EXOC7: variants seen among roughly 807,000 people sequenced by gnomAD.
EXOC7 encodes the protein exocyst complex component 7.
Under a neutral mutation model 87.6 loss-of-function variants are expected in EXOC7, and 51 were observed. The observed-to-expected ratio is 0.58, with a 90% CI of 0.46 to 0.73. The LOEUF (loss-of-function observed/expected upper bound fraction) is 0.73, where lower values mean the gene tolerates loss of function less well. Ranked by LOEUF, EXOC7 falls within the 30% of genes least tolerant of loss-of-function variation. The pLI is 0.00. For synonymous variants in EXOC7, 327 were observed against 357.1 expected, an observed-to-expected ratio of 0.92 and a Z score of 0.95; for missense variants, 744 against 888.4, an observed-to-expected ratio of 0.84 and a Z score of 2.07.
At chr17:76,098,940 G>T (rs1005989293) in intron 4 of EXOC7, among the ~76,000 whole-genome samples, 2 of 151,820 alleles carry the variant, frequency 1.3e-5, no homozygotes, top group African/African-American at 2.4e-5. Context: ...TTAGTGGGGG[G>T]TTTGCAAAAG....
chr17:76,100,006 G>A (rs1014970459), intron 4 of EXOC7, among the ~76,000 whole-genome samples: 4 of 152,160 alleles, frequency 2.6e-5, no homozygotes, highest in Non-Finnish European at 5.9e-5. Flanking sequence ...GAAGGCTGAG[G>A]TGGGAAGACT....
At position 76,082,718 on chromosome 17, in the gene EXOC7, A is replaced by G; in HGVS notation, c.*930T>C. 2 of 1,486,708 alleles carry G rather than the reference A, an allele frequency of 1.3e-6. No individual in the cohort carries two copies. Among genetic ancestry groups the G allele is most frequent in the South Asian group, 2.7e-5 (2 of 73,668 alleles). The allele number at this position is 1,486,708 out of a possible 1,614,324, so 92.1% of individuals were successfully genotyped here. A position where few individuals can be genotyped will look rare whatever the true frequency, so the allele number is the denominator to read the frequency against. On this transcript the variant is annotated 3_prime_UTR_variant, in exon 19 of 19. Coordinates refer to ENST00000589210, the MANE Select transcript of EXOC7 (RefSeq NM_001013839.4). ...GCTTTCCCATGGCTGGGGGCGGGCC[A>G]TGACAGGGCCTCTGGATTAAGCCAC...
At position 76,099,429 on chromosome 17, in the gene EXOC7, C is replaced by T. The variant is rs182323508; in HGVS notation, c.418-1411G>A. On this transcript the variant is annotated intron_variant, in intron 4 of 18. Coordinates refer to ENST00000589210, the MANE Select transcript of EXOC7 (RefSeq NM_001013839.4). ...GGCTGGGACAGGAGAATCGCTTGAACCCAGGAGGTGGAGGTTGCAGTGAGC... is the reference window on the plus strand; with the variant it reads ...GGCTGGGACAGGAGAATCGCTTGAATCCAGGAGGTGGAGGTTGCAGTGAGC... 1.6e-4 allele frequency among the ~76,000 whole-genome samples: 25 copies of T among 152,238 alleles called. No homozygotes were observed. In the East Asian group the frequency reaches 4.8e-3, roughly 29 times the overall value.
intron 12 of EXOC7, chr17:76,087,007 A>G: frequency 1.2e-6 from 1 of 839,614 alleles, no homozygotes. Flanking sequence ...AATTAAGCAG[A>G]CCTCTCCCCA....
intron 7 of EXOC7, chr17:76,089,618 G>C (rs2067383896): frequency 4.3e-6 from 2 of 460,952 alleles, no homozygotes; most frequent in African/African-American, 3.9e-5. Flanking sequence ...GAAGATTCCT[G>C]AATCAGCGTC....
At chr17:76,103,462 C>G (rs1567995992) in intron 1 of EXOC7, 36 bp from the exon 2 acceptor site, 1 of 1,575,728 alleles carries the variant, frequency 6.3e-7, no homozygotes, top group Admixed American at 1.8e-5. Context: ...CACCAGAAAC[C>G]AGAAGCTAAA....
chr17:76,103,219 C>T, intron 2 of EXOC7, 142 bp downstream of exon 2: 1 of 726,384 alleles, frequency 1.4e-6, no homozygotes, highest in East Asian at 2.7e-5. Context: ...AGATGCCAAA[C>T]TGTTGCTAGA....
Position 76,083,769 on chromosome 17 carries a change from C to G in EXOC7, c.1953-19G>C, listed in dbSNP as rs377324605. 2 of 1,609,722 alleles carry G rather than the reference C, an allele frequency of 1.2e-6. No individual in the cohort carries two copies. The highest frequency in any genetic ancestry group is 1.7e-6 in the Non-Finnish European group (2 of 1,177,634). On this transcript the variant is annotated intron_variant, in intron 18 of 18. Coordinates refer to ENST00000589210, the MANE Select transcript of EXOC7 (RefSeq NM_001013839.4). The stretch of plus-strand genomic sequence containing the variant: ...GCCAAACCTGAGGAGGCACTGTGGT[C>G]AGGGGACAGGGAGGGCCGACCCCTC...
At chr17:76,091,275 A>C in intron 6 of EXOC7, 40 bp from the exon 7 acceptor site, 1 of 1,578,056 alleles carries the variant, frequency 6.3e-7, no homozygotes, top group South Asian at 1.1e-5. Flanking sequence ...AAGAAGACCT[A>C]GGAAATGAGT....
chr17:76,090,458 C>G (rs762479683), intron 7 of EXOC7: 14 of 1,551,668 alleles, frequency 9.0e-6, no homozygotes, highest in Non-Finnish European at 1.1e-5. Flanking sequence ...GGCAGGCCGC[C>G]CCTTGGGGTA....
chr17:76,090,573 G>T, intron 7 of EXOC7: 1 of 1,270,608 alleles, frequency 7.9e-7, no homozygotes, highest in East Asian at 2.5e-5. Flanking sequence ...GCCACCTTGG[G>T]AACAGCCGTT....
At position 76,103,301 on chromosome 17, in the gene EXOC7, G is replaced by A. The variant is rs1292532530; in HGVS notation, c.126+60C>T. On this transcript the variant is annotated intron_variant, in intron 2 of 18. Coordinates refer to ENST00000589210, the MANE Select transcript of EXOC7 (RefSeq NM_001013839.4). ...CCGCAGGAACCGGAACCGCCAGGTCGCAAGGCTCTCCCCCAGGGTCCGGAG... is the reference window on the plus strand; with the variant it reads ...CCGCAGGAACCGGAACCGCCAGGTCACAAGGCTCTCCCCCAGGGTCCGGAG... 17 of 1,499,814 alleles carry A rather than the reference G, an allele frequency of 1.1e-5. No individual in the cohort carries two copies. In the East Asian group the frequency reaches 3.4e-4, roughly 30 times the overall value. 92.9% of individuals were successfully genotyped at this position (1,499,814 alleles called of 1,614,324 possible). A position where few individuals can be genotyped will look rare whatever the true frequency, so the allele number is the denominator to read the frequency against.
rs1286061428 is a variant in EXOC7, at chr17:76,085,691, G to C, written c.1602C>G (p.Leu534=). The change falls in exon 14 of 19, where the codon CTC becomes CTG. Residue 534 remains leucine, a synonymous_variant. Transcript: ENST00000589210. ...AGGCCACTTACTTCTCCAGGGACTT[G>C]AGGATGTAATTGTAGTTGTTGTGCA... The part of the protein sequence containing the change: ...IFLHNNYNYI[L]KSLEKSELIQ... 3 of 1,614,140 alleles carry C rather than the reference G, an allele frequency of 1.9e-6. No individual in the cohort carries two copies. Among genetic ancestry groups the C allele is most frequent in the East Asian group, 2.2e-5 (1 of 44,886 alleles).
At position 76,094,717 on chromosome 17, in the gene EXOC7, T is replaced by C. The variant is rs2067664493; in HGVS notation, c.641-136A>G. 8 of 831,208 alleles carry C rather than the reference T, an allele frequency of 9.6e-6. No homozygotes were observed. In the South Asian group the frequency reaches 1.5e-4, roughly 16 times the overall value. The allele number at this position is 831,208 out of a possible 1,614,324, so 51.5% of individuals were successfully genotyped here. On this transcript the variant is annotated intron_variant, in intron 5 of 18. Transcript: ENST00000589210. ...GCTCTGGTCACAAGCCACCCATATC[T>C]TGTCCCAAATCAGGCAAAGTCTTTC... is the stretch of plus-strand genomic sequence containing the variant.
Position 76,084,000 on chromosome 17 carries a change from C to A in EXOC7, c.1952+6G>T. The A allele has an allele frequency of 6.4e-7, 1 of 1,559,712 alleles. No individual in the cohort carries two copies. The highest frequency in any genetic ancestry group is 8.6e-7 in the Non-Finnish European group (1 of 1,157,128). Reference sequence around the variant, plus strand: ...GCACAGGCTGGGAGGGGAATGGAGGCCTCACTTCTGTAGAAAGGCCCCGTA... The same window carrying A: ...GCACAGGCTGGGAGGGGAATGGAGGACTCACTTCTGTAGAAAGGCCCCGTA... On this transcript the variant is annotated splice_donor_region_variant and intron_variant, in intron 18 of 18. Coordinates refer to ENST00000589210, the MANE Select transcript of EXOC7 (RefSeq NM_001013839.4).
chr17:76,097,510 C>T (rs1199325217), intron 5 of EXOC7, among the ~76,000 whole-genome samples: 1 of 151,714 alleles, frequency 6.6e-6, no homozygotes, highest in Non-Finnish European at 1.5e-5. Flanking sequence ...TCAAGACCAG[C>T]CTGGCCAACA....
In EXOC7 at chr17:76,090,403, G is replaced by A. The variant is rs969913815; in HGVS notation, c.901+740C>T. ...TCGGAAATCATGCTCGTGACCTGGC[G>A]AGATGTCGGCCGCACAAACACAAGC... On this transcript the variant is annotated intron_variant, in intron 7 of 18. Transcript: ENST00000589210. 8 of 1,551,606 alleles carry A rather than the reference G, an allele frequency of 5.2e-6. No homozygotes were observed. In the Admixed American group the frequency reaches 7.8e-5, roughly 15 times the overall value.
Position 76,094,478 on chromosome 17 carries a change from G to A in EXOC7, c.744C>T (p.Pro248=). The A allele has an allele frequency of 6.2e-7, 1 of 1,614,134 alleles. No homozygotes were observed. The highest frequency in any genetic ancestry group is 8.5e-7 in the Non-Finnish European group (1 of 1,180,022). Residue 248 remains proline (P), a synonymous_variant, in exon 6 of 19, where the codon CCC becomes CCT. Coordinates refer to ENST00000589210, the MANE Select transcript of EXOC7 (RefSeq NM_001013839.4). ...FHKSSSSSGV[P]YSPAIPNKRK... Reference sequence around the variant, plus strand: ...TCTTGTTGGGGATAGCAGGGGAGTAGGGAACCCCAGAGGAAGAACTGCTCT... The same window carrying A: ...TCTTGTTGGGGATAGCAGGGGAGTAAGGAACCCCAGAGGAAGAACTGCTCT...
chr17:76,103,786 C>A lies in EXOC7; in HGVS notation c.-94G>T. ...GTCACACCCACTTCCGCTCTTGGTCCCGCCCCGGGACGCCTGGGCGGAGCC... is the reference window on the plus strand; with the variant it reads ...GTCACACCCACTTCCGCTCTTGGTCACGCCCCGGGACGCCTGGGCGGAGCC... On this transcript the variant is annotated 5_prime_UTR_variant, in exon 1 of 19. Coordinates refer to ENST00000589210, the MANE Select transcript of EXOC7 (RefSeq NM_001013839.4). 7.1e-7 allele frequency: 1 copy of A among 1,408,560 alleles called. No homozygotes were observed. The highest frequency in any genetic ancestry group is 9.6e-7 in the Non-Finnish European group (1 of 1,037,874). 87.3% of individuals were successfully genotyped at this position (1,408,560 alleles called of 1,614,324 possible).
Sources: gnomAD v4.1 joint callset for allele counts (sites outside exome capture counted in the v4.1 genomes callset) on GRCh38, gnomAD v4.1.1 for gene constraint, MANE v1.5 for transcripts, NCBI Gene and HGNC (gene_info 2026-07-23, HGNC 2026-07-21) for gene names.